YAF2: variants seen among roughly 807,000 people sequenced by gnomAD.
YAF2 encodes YY1 associated factor 2.
A neutral mutation model predicts 20.1 loss-of-function variants in YAF2; 7 were observed. The ratio of observed to expected loss-of-function variants is 0.35; its 90% confidence interval spans 0.20 to 0.65. The LOEUF (loss-of-function observed/expected upper bound fraction) is 0.65, where lower values mean the gene tolerates loss of function less well. Among genes scored for constraint, YAF2 ranks in the 30% least tolerant of loss-of-function variants. YAF2 has a pLI of 0.69. For synonymous variants in YAF2, 74 were observed against 76.0 expected, an observed-to-expected ratio of 0.97 and a Z score of 0.14; for missense variants, 151 against 219.2, an observed-to-expected ratio of 0.69 and a Z score of 1.96.
At chr12:42,218,185 A>AACACACACACACAC (rs71883885) in intron 2 of YAF2, among the ~76,000 whole-genome samples, 22 of 140,698 alleles carry the variant, frequency 1.6e-4, no homozygotes, top group Non-Finnish European at 2.2e-4. Context: ...GCTACTAGGA[A>AACACACACACACAC]ACACACACAC....
chr12:42,160,655 C>A lies in YAF2; in HGVS notation c.477G>T (p.Glu159Asp). 6.2e-7 allele frequency: 1 copy of A among 1,613,818 alleles called. No homozygotes were observed. The highest frequency in any genetic ancestry group is 8.5e-7 in the Non-Finnish European group (1 of 1,179,864). The change falls in exon 4 of 4, where the codon GAG (glutamate) becomes GAT (aspartate). Residue 159 changes from glutamate (E) to aspartate (D), a missense_variant. Glu to Asp is a conservative substitution (Grantham distance 45). This residue lies in a region of YAF2 where 51 missense variants were observed against 48.9 expected (regional missense o/e 1.04). Transcript: ENST00000534854. ...GTGAAGATGACCTGGACATTCCTCT[C>A]TCTGTGTTATCAGAGCTAGAGCCGC... ...SQSGSSSDNT[E>D]RGMSRSSSPR...
chr12:42,208,597 GTGC>G (rs2067119082), intron 2 of YAF2, among the ~76,000 whole-genome samples: 1 of 152,120 alleles, frequency 6.6e-6, no homozygotes, highest in Non-Finnish European at 1.5e-5. Context: ...TATTAACTGG[GTGC>G]TGCTAAGGTA....
intron 2 of YAF2, among the ~76,000 whole-genome samples, chr12:42,228,011 G>T (rs1457384197): frequency 2.2e-5 from 3 of 136,686 alleles, no homozygotes; most frequent in Non-Finnish European, 4.8e-5. Context: ...GCCCCGTCCA[G>T]GAGGGAGGTG....
At chr12:42,224,579 C>T (rs2137331000) in intron 2 of YAF2, among the ~76,000 whole-genome samples, 1 of 152,010 alleles carries the variant, frequency 6.6e-6, no homozygotes, top group East Asian at 1.9e-4. Flanking sequence ...TCCCTGTGTC[C>T]ATGTGTTCTT....
intron 2 of YAF2, among the ~76,000 whole-genome samples, chr12:42,214,262 T>C (rs1490711368): frequency 6.6e-6 from 1 of 152,160 alleles, no homozygotes; most frequent in Non-Finnish European, 1.5e-5. Flanking sequence ...TACAACTCTT[T>C]CACAAATACC....
intron 2 of YAF2, among the ~76,000 whole-genome samples, chr12:42,200,727 T>C (rs1376322216): frequency 6.6e-6 from 1 of 152,210 alleles, no homozygotes; most frequent in Non-Finnish European, 1.5e-5. Flanking sequence ...GATCACATTG[T>C]ACACATCATT....
intron 2 of YAF2, among the ~76,000 whole-genome samples, chr12:42,194,870 C>A (rs1367050025): frequency 6.6e-6 from 1 of 152,120 alleles, no homozygotes; most frequent in South Asian, 2.1e-4. Context: ...AGAAGACACA[C>A]AAATGAAGCT....
intron 2 of YAF2, among the ~76,000 whole-genome samples, chr12:42,178,108 A>C (rs1056639915): frequency 5.3e-5 from 8 of 152,212 alleles, no homozygotes; most frequent in African/African-American, 1.9e-4. Context: ...ATGTGCAAAA[A>C]TATGTACATC....
chr12:42,212,003 C>T (rs185767304), intron 2 of YAF2, among the ~76,000 whole-genome samples: 18 of 151,466 alleles, frequency 1.2e-4, no homozygotes, highest in African/African-American at 3.9e-4. Flanking sequence ...GAGCCAAGAT[C>T]GTGCCTGGGA....
intron 2 of YAF2, among the ~76,000 whole-genome samples, 163 bp from the exon 3 acceptor site, chr12:42,161,928 G>A (rs113866817): frequency 0.011 from 1,604 of 152,168 alleles, 29 homozygotes; most frequent in African/African-American, 0.037. Flanking sequence ...TTAAAGATAT[G>A]TATCAGTTTT....
At chr12:42,212,547 C>A in intron 2 of YAF2, 4 of 347,174 alleles carry the variant, frequency 1.2e-5, no homozygotes, top group South Asian at 8.7e-5. Flanking sequence ...TAACTCACCA[C>A]TGAATAAATG....
chr12:42,168,286 C>G (rs142837233), intron 2 of YAF2, among the ~76,000 whole-genome samples: 2,270 of 149,416 alleles, frequency 0.015, 55 homozygotes, highest in African/African-American at 0.053. Context: ...TCAAGTGATT[C>G]TCCTGCCTCA....
At chr12:42,204,728 T>G (rs1341306443) in intron 2 of YAF2, among the ~76,000 whole-genome samples, 2 of 152,212 alleles carry the variant, frequency 1.3e-5, no homozygotes, top group Admixed American at 1.3e-4. Flanking sequence ...GATGTATTAT[T>G]ATTTGGCTAT....
chr12:42,207,668 A>G (rs537960021), intron 2 of YAF2, among the ~76,000 whole-genome samples: 1,637 of 152,248 alleles, frequency 0.011, 29 homozygotes, highest in African/African-American at 0.037. Context: ...CGAGGCGGGC[A>G]GATCACAAGG....
In YAF2 at chr12:42,181,277, C is replaced by T. The variant is rs528614657; in HGVS notation, c.153-19512G>A. Among the ~76,000 whole-genome samples, 3 of 152,258 alleles carry T rather than the reference C, an allele frequency of 2.0e-5. 1 individual carries two copies. In the South Asian group the frequency reaches 6.2e-4, roughly 32 times the overall value. The stretch of plus-strand genomic sequence containing the variant: ...TGTTCATTTTAATGTGTGCTTATTC[C>T]TGTTACACAGTTTACTCTGTGCTCT... On this transcript the variant is annotated intron_variant, in intron 2 of 3. Coordinates refer to ENST00000534854, the MANE Select transcript of YAF2 (RefSeq NM_005748.6).
intron 2 of YAF2, among the ~76,000 whole-genome samples, chr12:42,223,489 G>A (rs139286746): frequency 4.6e-5 from 7 of 152,190 alleles, no homozygotes; most frequent in Non-Finnish European, 7.4e-5. Context: ...AATTGGCCAT[G>A]ATGTTAAAGC....
chr12:42,234,935 C>G, intron 2 of YAF2: 3 of 929,272 alleles, frequency 3.2e-6, no homozygotes, highest in Non-Finnish European at 3.9e-6. Context: ...CTGCAGTGAG[C>G]CTGGATGATG....
At chr12:42,209,162 C>T (rs1456726667) in intron 2 of YAF2, among the ~76,000 whole-genome samples, 5 of 151,440 alleles carry the variant, frequency 3.3e-5, no homozygotes, top group African/African-American at 1.2e-4. Flanking sequence ...AACAAGGAAG[C>T]GGTAAATAGA....
intron 2 of YAF2, among the ~76,000 whole-genome samples, chr12:42,219,136 T>C (rs1343772538): frequency 1.3e-5 from 2 of 152,294 alleles, no homozygotes; most frequent in East Asian, 3.9e-4. Context: ...ATGGCATAAA[T>C]GACCTGGATG....
Sources: gnomAD v4.1 joint callset for allele counts (sites outside exome capture counted in the v4.1 genomes callset) on GRCh38, gnomAD v4.1.1 for gene constraint, gnomAD v4.1.1 regional missense constraint, MANE v1.5 for transcripts, NCBI Gene and HGNC (gene_info 2026-07-23, HGNC 2026-07-21) for gene names.